ACTR3C: variants seen among roughly 807,000 people sequenced by gnomAD.
ACTR3C encodes actin-related protein 3C.
In ACTR3C, 18 loss-of-function variants were observed where a neutral mutation model predicts 26.3. The observed-to-expected ratio is 0.68, with a 90% CI of 0.47 to 1.01. The LOEUF is 1.01. Ranked by LOEUF, ACTR3C falls within the 50% of genes least tolerant of loss-of-function variation. The probability of loss-of-function intolerance (pLI) is 0.00; values close to 1 mark genes in which losing one functional copy is unlikely to be tolerated. For missense variants in ACTR3C, 184 were observed against 250.7 expected, an observed-to-expected ratio of 0.73 and a Z score of 1.80; for synonymous variants, 55 against 94.5, an observed-to-expected ratio of 0.58 and a Z score of 2.42.
chr7:150,208,492 A>G, the ACTR3C span, among the ~76,000 whole-genome samples: 1 of 152,156 alleles, frequency 6.6e-6, no homozygotes, highest in Non-Finnish European at 1.5e-5. Flanking sequence ...CTCATGATTC[A>G]TGGACATTTC....
At chr7:150,244,703 G>C (rs1005234406), downstream of ACTR3C, 2 of 168,054 alleles carry the variant, frequency 1.2e-5, no homozygotes, top group Admixed American at 1.2e-4. Context: ...GACGGCCTGA[G>C]AGGAGTTATG....
the ACTR3C span, among the ~76,000 whole-genome samples, chr7:150,062,536 G>A: frequency 6.6e-6 from 1 of 151,342 alleles, no homozygotes; most frequent in Non-Finnish European, 1.5e-5. Context: ...AATGAATGAG[G>A]CTATGACAAC....
chr7:150,198,612 C>T, the ACTR3C span, among the ~76,000 whole-genome samples: 156 of 147,862 alleles, frequency 1.1e-3, 7 homozygotes, highest in Middle Eastern at 3.4e-3. Context: ...GCCCGGCAGC[C>T]GCCCCGTCTG....
chr7:150,116,034 G>C, the ACTR3C span, among the ~76,000 whole-genome samples: 1 of 152,164 alleles, frequency 6.6e-6, no homozygotes, highest in East Asian at 1.9e-4. Flanking sequence ...AATGAGATCA[G>C]AGCACTCCAC....
chr7:150,252,302 T>C (rs1179822517), intron 6 of ACTR3C, among the ~76,000 whole-genome samples: 4 of 152,208 alleles, frequency 2.6e-5, no homozygotes, highest in Non-Finnish European at 4.4e-5. Flanking sequence ...AAAGTATTCA[T>C]TGCCCTGGCT....
the ACTR3C span, among the ~76,000 whole-genome samples, chr7:149,912,415 G>C: frequency 1.3e-5 from 2 of 151,600 alleles, no homozygotes; most frequent in African/African-American, 4.9e-5. Context: ...GGAGGTCTCT[G>C]TCAAAGTCAC....
chr7:150,290,475 G>A (rs1836158164), intron 3 of ACTR3C, among the ~76,000 whole-genome samples: 1 of 152,128 alleles, frequency 6.6e-6, no homozygotes, highest in Non-Finnish European at 1.5e-5. Flanking sequence ...GCCCACCGCT[G>A]GATCATCCGG....
the ACTR3C span, among the ~76,000 whole-genome samples, chr7:149,901,777 G>A: frequency 6.6e-6 from 1 of 151,878 alleles, no homozygotes; most frequent in Non-Finnish European, 1.5e-5. Context: ...AGCCAGGCAT[G>A]GTGGCACATG....
chr7:149,908,665 T>C, the ACTR3C span, among the ~76,000 whole-genome samples: 38,476 of 152,138 alleles, frequency 0.25, 5,733 homozygotes, highest in South Asian at 0.41. Flanking sequence ...TCACAACTTA[T>C]CTTATTAGAG....
At chr7:149,958,565 A>G in the ACTR3C span, among the ~76,000 whole-genome samples, 4 of 152,198 alleles carry the variant, frequency 2.6e-5, no homozygotes, top group African/African-American at 9.7e-5. Context: ...AGCATTCTCT[A>G]ATTTGCTATT....
chr7:150,260,964 A>G lies in ACTR3C; in HGVS notation c.565-11910T>C, dbSNP rs1192107654. Among the ~76,000 whole-genome samples, 3 of 152,204 alleles carry G rather than the reference A, an allele frequency of 2.0e-5. No individual in the cohort carries two copies. In the East Asian group the frequency reaches 5.8e-4, roughly 29 times the overall value. Reference sequence around the variant, plus strand: ...AATGCTAAAGGAAGAAGAAGGAGAAAGCCATGAGATGACAAAGGCAATAAA... The same window carrying G: ...AATGCTAAAGGAAGAAGAAGGAGAAGGCCATGAGATGACAAAGGCAATAAA... On this transcript the variant is annotated intron_variant, in intron 6 of 7. Coordinates refer to ENST00000683684, the MANE Select transcript of ACTR3C (RefSeq NM_001164458.2).
chr7:150,172,899 C>G, the ACTR3C span, among the ~76,000 whole-genome samples: 2 of 150,454 alleles, frequency 1.3e-5, no homozygotes, highest in East Asian at 3.9e-4. Context: ...TCTTTTGACT[C>G]CCTGTCTCAC....
intron 1 of ACTR3C, among the ~76,000 whole-genome samples, chr7:150,297,892 T>A: frequency 6.7e-6 from 1 of 148,518 alleles, no homozygotes; most frequent in African/African-American, 2.5e-5. Context: ...TTTCTGGGAA[T>A]TAAGAACAGA....
At chr7:150,190,929 G>A in the ACTR3C span, among the ~76,000 whole-genome samples, 6,823 of 152,114 alleles carry the variant, frequency 0.045, 357 homozygotes, top group East Asian at 0.16. Context: ...AAACCATCAC[G>A]CCTCAGGAGG....
chr7:150,054,722 TA>T, the ACTR3C span, among the ~76,000 whole-genome samples: 2 of 152,210 alleles, frequency 1.3e-5, no homozygotes, highest in African/African-American at 4.8e-5. Context: ...CTTGTGTCAT[TA>T]AAGCCAAATC....
the ACTR3C span, among the ~76,000 whole-genome samples, chr7:150,096,696 G>T: frequency 6.6e-6 from 1 of 151,854 alleles, no homozygotes; most frequent in Non-Finnish European, 1.5e-5. Flanking sequence ...ATTCTTCATG[G>T]TTCCCTTTAC....
At chr7:150,006,190 A>ATTTATTTATTTATTTATTTATTTATTTG in the ACTR3C span, among the ~76,000 whole-genome samples, 1 of 149,134 alleles carries the variant, frequency 6.7e-6, no homozygotes, top group Non-Finnish European at 1.5e-5. Flanking sequence ...CACAGAATTT[A>ATTTATTTATTTATTTATTTATTTATTTG]TTTATTTATT....
At chr7:150,297,942 A>C (rs1416942849) in intron 1 of ACTR3C, among the ~76,000 whole-genome samples, 1 of 151,482 alleles carries the variant, frequency 6.6e-6, no homozygotes, top group Non-Finnish European at 1.5e-5. Context: ...AAATGATATC[A>C]AGTTGAGCAG....
At chr7:150,151,834 C>T in the ACTR3C span, among the ~76,000 whole-genome samples, 6 of 137,516 alleles carry the variant, frequency 4.4e-5, 1 homozygote, top group African/African-American at 1.5e-4. Context: ...ACATATGTAC[C>T]TAACCTGCAC....
Sources: allele counts gnomAD v4.1 joint callset (sites outside exome capture counted in the v4.1 genomes callset), GRCh38; gene constraint gnomAD v4.1.1; transcripts MANE v1.5; gene names NCBI Gene and HGNC (gene_info 2026-07-23, HGNC 2026-07-21).